The following ARHGAP26 variants were observed in gnomAD, a reference collection of about 807,000 sequenced individuals.
ARHGAP26 encodes Rho GTPase activating protein 26, also known as rho GTPase-activating protein 26.
Under a neutral mutation model 104.8 loss-of-function variants are expected in ARHGAP26, and 38 were observed. The observed-to-expected ratio is 0.36, with a 90% CI of 0.28 to 0.48. ARHGAP26 has a LOEUF of 0.48. ARHGAP26 is among the 20% of genes least tolerant of loss of function. The pLI, the probability that ARHGAP26 is intolerant of heterozygous loss-of-function variation, is 0.99. For synonymous variants in ARHGAP26, 341 were observed against 340.0 expected (o/e 1.00, Z -0.03); for missense variants, 704 against 947.9 (o/e 0.74, Z 3.38).
chr5:142,928,126 ATT>A lies in ARHGAP26; in HGVS notation c.1029-3920_1029-3919del. Among the ~76,000 whole-genome samples the A allele has an allele frequency of 2.0e-5, 3 of 152,222 alleles. No individual in the cohort carries two copies. In the South Asian group the frequency reaches 6.2e-4, roughly 32 times the overall value. Reference sequence around the variant, plus strand: ...ACTTTTAATTTTTTAAATAAAAGTAATTAAGTAATTAAATTCATCTTTTGATG... The same window carrying A: ...ACTTTTAATTTTTTAAATAAAAGTAAAAGTAATTAAATTCATCTTTTGATG... On this transcript the variant is annotated intron_variant, in intron 10 of 22. Coordinates refer to ENST00000645722, the MANE Select transcript of ARHGAP26 (RefSeq NM_001135608.3).
chr5:142,984,797 A>G (rs371612871), intron 11 of ARHGAP26, among the ~76,000 whole-genome samples: 15 of 152,182 alleles, frequency 9.9e-5, no homozygotes, highest in South Asian at 6.2e-4. Flanking sequence ...CAAACCTACC[A>G]TGCTCTCAGT....
chr5:143,134,041 C>T lies in ARHGAP26; in HGVS notation c.1773C>T (p.Ser591=). Residue 591 remains serine, a synonymous_variant, in exon 19 of 23, where the codon TCC becomes TCT. Transcript: ENST00000645722. The part of the protein sequence containing the change: ...LHLSRKKSSD[S]KPPSCSERPL... ...TGTCTCGGAAGAAGAGCAGTGACTC[C>T]AAGCCCCCGTCCTGCAGCGAGAGGC... 2 of 1,613,176 alleles carry T rather than the reference C, an allele frequency of 1.2e-6. No homozygotes were observed. The highest frequency in any genetic ancestry group is 1.1e-5 in the South Asian group (1 of 90,876).
At chr5:143,093,557 T>C (rs930174410) in intron 17 of ARHGAP26, among the ~76,000 whole-genome samples, 4 of 152,122 alleles carry the variant, frequency 2.6e-5, no homozygotes, top group African/African-American at 9.7e-5. Context: ...ACTCCCTCTT[T>C]GTGTCTCTCT....
intron 14 of ARHGAP26, among the ~76,000 whole-genome samples, chr5:143,051,671 G>A (rs1785047027): frequency 6.6e-6 from 1 of 152,172 alleles, no homozygotes; most frequent in South Asian, 2.1e-4. Flanking sequence ...CAAGTTATGA[G>A]CCTTGCCTCA....
chr5:143,024,894 T>A (rs1780830112), intron 12 of ARHGAP26, among the ~76,000 whole-genome samples: 1 of 152,174 alleles, frequency 6.6e-6, no homozygotes, highest in South Asian at 2.1e-4. Context: ...AATCCCAGCC[T>A]CAAGAATTAC....
At chr5:143,070,800 C>T (rs1027080432) in intron 17 of ARHGAP26, among the ~76,000 whole-genome samples, 2 of 152,082 alleles carry the variant, frequency 1.3e-5, no homozygotes, top group South Asian at 2.1e-4. Flanking sequence ...GTCCCAGCTA[C>T]TCTTGGGAGG....
intron 17 of ARHGAP26, among the ~76,000 whole-genome samples, chr5:143,062,602 A>G (rs978139223): frequency 3.4e-5 from 5 of 148,184 alleles, no homozygotes; most frequent in Admixed American, 6.9e-5. Flanking sequence ...GGATGTATTC[A>G]TATTTCTTTA....
intron 11 of ARHGAP26, among the ~76,000 whole-genome samples, chr5:142,987,370 G>C (rs1460508972): frequency 6.6e-6 from 1 of 152,184 alleles, no homozygotes; most frequent in Non-Finnish European, 1.5e-5. Flanking sequence ...TGCTGAAGTT[G>C]CTTATCAGCT....
At chr5:143,054,649 C>A in intron 15 of ARHGAP26, 123 bp downstream of exon 15, 1 of 656,128 alleles carries the variant, frequency 1.5e-6, no homozygotes, top group Non-Finnish European at 2.6e-6. Flanking sequence ...GAAACAGCTT[C>A]TGTGTGGGTG....
rs748677239 is a variant in ARHGAP26, at chr5:142,873,396, C to T, written c.155-4C>T. The stretch of plus-strand genomic sequence containing the variant: ...CCTGATTTTTCCTGTCTTTTTCTTG[C>T]TAGATTTGTCTTCAGCGAAGCGGAA... On this transcript the variant is annotated splice_polypyrimidine_tract_variant and splice_region_variant and intron_variant, in intron 1 of 22. Coordinates refer to ENST00000645722, the MANE Select transcript of ARHGAP26 (RefSeq NM_001135608.3). 7 of 1,590,094 alleles carry T rather than the reference C, an allele frequency of 4.4e-6. No individual in the cohort carries two copies. The highest frequency in any genetic ancestry group is 1.7e-4 in the Middle Eastern group (1 of 6,002).
chr5:142,937,874 C>T (rs772765133), intron 11 of ARHGAP26, among the ~76,000 whole-genome samples: 8 of 151,770 alleles, frequency 5.3e-5, no homozygotes, highest in African/African-American at 9.7e-5. Context: ...CCAGGGTATA[C>T]GGACATTGGA....
At chr5:142,791,495 G>A (rs1274926580) in intron 1 of ARHGAP26, among the ~76,000 whole-genome samples, 1 of 152,120 alleles carries the variant, frequency 6.6e-6, no homozygotes, top group African/African-American at 2.4e-5. Flanking sequence ...GCTTGGCTGG[G>A]CCAGTTGACT....
chr5:142,963,193 T>TATACATAC (rs1222259763), intron 11 of ARHGAP26, among the ~76,000 whole-genome samples: 2 of 111,940 alleles, frequency 1.8e-5, no homozygotes, highest in African/African-American at 9.3e-5. Context: ...TATATATATA[T>TATACATAC]ATATATGTGT....
intron 11 of ARHGAP26, among the ~76,000 whole-genome samples, chr5:142,992,791 T>C (rs1442389055): frequency 1.3e-5 from 2 of 152,198 alleles, no homozygotes; most frequent in East Asian, 3.8e-4. Context: ...CCATATGAAT[T>C]GTCATCCAAG....
chr5:143,222,625 C>A lies in ARHGAP26; in HGVS notation c.*179C>A. 4.4e-6 allele frequency: 2 copies of A among 458,574 alleles called. No homozygotes were observed. Among genetic ancestry groups the A allele is most frequent in the Non-Finnish European group, 7.8e-6 (2 of 256,068 alleles). 28.4% of individuals were successfully genotyped at this position (458,574 alleles called of 1,614,324 possible). ...CACTCATCTCCATGATCATCTCAGC[C>A]AACATGCATCAGTACTGCAAGAAAA... On this transcript the variant is annotated 3_prime_UTR_variant, in exon 23 of 23. Coordinates refer to ENST00000645722, the MANE Select transcript of ARHGAP26 (RefSeq NM_001135608.3).
chr5:142,778,184 A>C (rs531134125), intron 1 of ARHGAP26, among the ~76,000 whole-genome samples: 3 of 152,364 alleles, frequency 2.0e-5, no homozygotes, highest in Admixed American at 2.0e-4. Context: ...TTTTGGCCTG[A>C]GCAGTTATGT....
intron 18 of ARHGAP26, among the ~76,000 whole-genome samples, chr5:143,123,963 A>G (rs939140467): frequency 2.7e-5 from 4 of 146,404 alleles, no homozygotes; most frequent in African/African-American, 1.1e-4. Flanking sequence ...TCTGTAATAG[A>G]AACACACACA....
intron 10 of ARHGAP26, chr5:142,919,520 G>A (rs1044045712): frequency 7.5e-6 from 3 of 397,718 alleles, no homozygotes; most frequent in Non-Finnish European, 1.3e-5. Flanking sequence ...CTTTCTCAAT[G>A]AAGCAGCACT....
At chr5:142,957,928 G>A (rs1181940236) in intron 11 of ARHGAP26, among the ~76,000 whole-genome samples, 3 of 152,254 alleles carry the variant, frequency 2.0e-5, no homozygotes, top group African/African-American at 7.2e-5. Flanking sequence ...CTGGGCATAA[G>A]CCTTTGAGAG....
Sources: gnomAD v4.1 joint callset for allele counts (sites outside exome capture counted in the v4.1 genomes callset) on GRCh38, gnomAD v4.1.1 for gene constraint, MANE v1.5 for transcripts, NCBI Gene and HGNC (gene_info 2026-07-23, HGNC 2026-07-21) for gene names.